CTNNA2: variants seen among roughly 807,000 people sequenced by gnomAD.
The protein encoded by CTNNA2 is catenin alpha-2.
CTNNA2 carries 42 observed loss-of-function variants against 101.0 expected under a neutral mutation model. That is an observed-to-expected ratio of 0.42 (90% CI 0.32 to 0.54). The LOEUF is 0.54. Ranked by LOEUF, CTNNA2 falls within the 20% of genes least tolerant of loss-of-function variation. CTNNA2 has a pLI of 0.14. For missense variants in CTNNA2, 871 were observed against 1,223.1 expected (o/e 0.71, Z 4.29); for synonymous variants, 450 against 456.4 (o/e 0.99, Z 0.18).
intron 6 of CTNNA2, among the ~76,000 whole-genome samples, chr2:79,901,725 G>GT (rs1342441684): frequency 1.3e-5 from 2 of 152,186 alleles, no homozygotes; most frequent in Non-Finnish European, 1.5e-5. Flanking sequence ...TTCTTGGCTA[G>GT]TAAAGACCAT....
intron 3 of CTNNA2, among the ~76,000 whole-genome samples, chr2:79,808,503 G>T (rs72824568): frequency 6.6e-6 from 1 of 152,068 alleles, no homozygotes; most frequent in African/African-American, 2.4e-5. Context: ...AGCTATCACC[G>T]AATTCTTGCT....
intron 17 of CTNNA2, among the ~76,000 whole-genome samples, chr2:80,609,171 A>G (rs1246099050): frequency 1.3e-5 from 2 of 151,766 alleles, no homozygotes; most frequent in Non-Finnish European, 2.9e-5. Flanking sequence ...TCAAGTGAGT[A>G]ATTACCAGGC....
chr2:80,233,547 C>T (rs1375120505), intron 7 of CTNNA2, among the ~76,000 whole-genome samples: 1 of 152,102 alleles, frequency 6.6e-6, no homozygotes, highest in Non-Finnish European at 1.5e-5. Flanking sequence ...GACACATAGC[C>T]TCCAAATTTA....
intron 2 of CTNNA2, among the ~76,000 whole-genome samples, chr2:79,202,344 A>C (rs201421065): frequency 8.3e-6 from 1 of 120,096 alleles, no homozygotes; most frequent in African/African-American, 3.3e-5. Flanking sequence ...TATTTTTTTT[A>C]TTTTTTTTAT....
At chr2:79,919,905 C>T (rs760919262) in intron 7 of CTNNA2, among the ~76,000 whole-genome samples, 1 of 152,148 alleles carries the variant, frequency 6.6e-6, no homozygotes, top group Non-Finnish European at 1.5e-5. Context: ...GTCTCTAACA[C>T]CTCTCCATGC....
chr2:79,454,628 C>A (rs1156536270), intron 4 of CTNNA2, among the ~76,000 whole-genome samples: 2 of 151,938 alleles, frequency 1.3e-5, no homozygotes, highest in Admixed American at 6.6e-5. Flanking sequence ...AGTGTGGATT[C>A]ACATTAACCA....
At chr2:80,037,532 A>C (rs1039917001) in intron 7 of CTNNA2, among the ~76,000 whole-genome samples, 1 of 152,244 alleles carries the variant, frequency 6.6e-6, no homozygotes, top group African/African-American at 2.4e-5. Flanking sequence ...AATGTGACAC[A>C]GAACTCTGGG....
At chr2:80,446,830 C>T (rs962768197) in intron 9 of CTNNA2, among the ~76,000 whole-genome samples, 3 of 152,094 alleles carry the variant, frequency 2.0e-5, no homozygotes, top group African/African-American at 7.2e-5. Context: ...ATTTTCATTT[C>T]ATCTTTATTC....
chr2:79,291,831 A>C (rs1220317015), intron 2 of CTNNA2, among the ~76,000 whole-genome samples: 1 of 152,218 alleles, frequency 6.6e-6, no homozygotes, highest in Non-Finnish European at 1.5e-5. Context: ...TATTACATAC[A>C]TATTCAGAAA....
intron 7 of CTNNA2, among the ~76,000 whole-genome samples, chr2:79,915,521 G>T (rs1014306754): frequency 5.9e-5 from 9 of 152,178 alleles, no homozygotes; most frequent in Non-Finnish European, 1.5e-5. Flanking sequence ...TTCATTTTGA[G>T]TGTATTTTTA....
intron 15 of CTNNA2, among the ~76,000 whole-genome samples, chr2:80,597,317 G>A (rs755116518): frequency 6.8e-4 from 103 of 152,190 alleles, no homozygotes; most frequent in Middle Eastern, 3.4e-3. Context: ...ACTCAACGTG[G>A]ACTAAAGACT....
At chr2:79,208,480 G>A (rs1483790756) in intron 2 of CTNNA2, among the ~76,000 whole-genome samples, 1 of 152,134 alleles carries the variant, frequency 6.6e-6, no homozygotes, top group Non-Finnish European at 1.5e-5. Flanking sequence ...AAACACTAGA[G>A]AGGAAAAAGA....
intron 4 of CTNNA2, among the ~76,000 whole-genome samples, chr2:79,412,263 C>G (rs529857920): frequency 6.6e-6 from 1 of 152,052 alleles, no homozygotes; most frequent in African/African-American, 2.4e-5. Context: ...TAGAGACCAA[C>G]AAAGAGACTT....
At chr2:80,091,892 G>T (rs1227338818) in intron 7 of CTNNA2, among the ~76,000 whole-genome samples, 1 of 152,090 alleles carries the variant, frequency 6.6e-6, no homozygotes, top group Non-Finnish European at 1.5e-5. Flanking sequence ...AGGATCCTCT[G>T]GCCATCCAAA....
At chr2:79,787,072 T>A (rs1050795111) in intron 3 of CTNNA2, among the ~76,000 whole-genome samples, 2 of 152,196 alleles carry the variant, frequency 1.3e-5, no homozygotes, top group Non-Finnish European at 2.9e-5. Context: ...AAACTCATTT[T>A]AATTAATTAT....
intron 9 of CTNNA2, among the ~76,000 whole-genome samples, chr2:80,538,416 G>A (rs1252605183): frequency 6.6e-6 from 1 of 152,152 alleles, no homozygotes; most frequent in African/African-American, 2.4e-5. Context: ...GTGTAAGGAA[G>A]GGGTCCAGTT....
intron 7 of CTNNA2, among the ~76,000 whole-genome samples, chr2:80,159,090 C>T (rs1039407765): frequency 4.6e-5 from 7 of 152,186 alleles, no homozygotes; most frequent in Admixed American, 2.0e-4. Context: ...AGTAAAGCCA[C>T]GAAAAATATG....
intron 3 of CTNNA2, among the ~76,000 whole-genome samples, chr2:79,838,523 A>G (rs1321406431): frequency 1.3e-5 from 2 of 152,168 alleles, no homozygotes; most frequent in Non-Finnish European, 2.9e-5. Context: ...CAGACTAATT[A>G]TTAGAGGTTT....
chr2:79,444,109 T>C (rs1181507498), intron 4 of CTNNA2, among the ~76,000 whole-genome samples: 1 of 152,042 alleles, frequency 6.6e-6, no homozygotes, highest in Non-Finnish European at 1.5e-5. Flanking sequence ...AGCCTTCAGA[T>C]GAGACGATAA....
Sources: gnomAD v4.1 joint callset for allele counts (sites outside exome capture counted in the v4.1 genomes callset) on GRCh38, gnomAD v4.1.1 for gene constraint, MANE v1.5 for transcripts, NCBI Gene and HGNC (gene_info 2026-07-23, HGNC 2026-07-21) for gene names.